Variants in STK25 observed in about 807,000 individuals in gnomAD.
STK25 encodes serine/threonine kinase 25.
STK25 carries 29 observed loss-of-function variants against 53.8 expected under a neutral mutation model. The ratio of observed to expected loss-of-function variants is 0.54; its 90% confidence interval spans 0.40 to 0.74. The LOEUF (loss-of-function observed/expected upper bound fraction) is 0.74, where lower values mean the gene tolerates loss of function less well. STK25 is among the 30% of genes least tolerant of loss of function. The probability of loss-of-function intolerance (pLI) is 0.00; values close to 1 mark genes in which losing one functional copy is unlikely to be tolerated. For missense variants in STK25, 420 were observed against 568.0 expected (o/e 0.74, Z 2.65); for synonymous variants, 247 against 238.3 (o/e 1.04, Z -0.33).
chr2:241,498,330 C>A lies in STK25; in HGVS notation c.937G>T (p.Gly313Trp). Residue 313 changes from glycine (G) to tryptophan (W), a missense_variant, in exon 9 of 12, where the codon GGG becomes TGG. By Grantham distance (184) the Gly-to-Trp change is radical (BLOSUM62 -2). Coordinates refer to ENST00000316586, the MANE Select transcript of STK25 (RefSeq NM_001271977.2). ...DSDIDGEAEDGEQGPIWTFPP... is the reference protein window; with the variant it reads ...DSDIDGEAEDWEQGPIWTFPP... ...AACGTCCAGATGGGGCCCTGCTCCC[C>A]GTCCTCCGCCTCGCCATCACTGAAG... 1 of 1,598,474 alleles carries A rather than the reference C, an allele frequency of 6.3e-7. No individual in the cohort carries two copies. Among genetic ancestry groups the A allele is most frequent in the Non-Finnish European group, 8.5e-7 (1 of 1,169,616 alleles).
In STK25 at chr2:241,496,987, C is replaced by G. The variant is rs1406698973; in HGVS notation, c.1105-453G>C. On this transcript the variant is annotated intron_variant, in intron 10 of 11. Transcript: ENST00000316586. This position sits in a 1 kb window ranked among gnomAD's most constrained non-coding sequence, Gnocchi z 5.8. ...GTCACCCACCCTCGGGGGGCTGTGG[C>G]TGGATCAGCAGGCTGCCCAGGACCT... is the stretch of plus-strand genomic sequence containing the variant. Among the ~76,000 whole-genome samples the G allele has an allele frequency of 6.6e-6, 1 of 152,266 alleles. No homozygotes were observed. Among genetic ancestry groups the G allele is most frequent in the Admixed American group, 6.5e-5 (1 of 15,286 alleles).
chr2:241,493,301 C>A lies in STK25; in HGVS notation c.*2361G>T. The A allele has an allele frequency of 6.2e-7, 1 of 1,613,804 alleles. No homozygotes were observed. The highest frequency in any genetic ancestry group is 1.1e-5 in the South Asian group (1 of 91,070). The stretch of plus-strand genomic sequence containing the variant: ...CCTATGCTGTCTTGCAGGATGACTA[C>A]CCACTGGCCAGCCTCCCGCTGCTGG... On this transcript the variant is annotated 3_prime_UTR_variant, in exon 12 of 12. Transcript: ENST00000316586.
rs763696778 is a variant in STK25 at position 241,498,788 on chromosome 2, C to G, written c.772-4G>C. The G allele has an allele frequency of 6.6e-5, 107 of 1,613,438 alleles. No homozygotes were observed. Among genetic ancestry groups the G allele is most frequent in the Non-Finnish European group, 8.7e-5 (103 of 1,179,686 alleles). ...GGAGCTCCTTGGCCGTGGGCCGCTG[C>G]AGGGGGTCAGGGGAACACTAGTCAC... On this transcript the variant is annotated splice_region_variant and splice_polypyrimidine_tract_variant and intron_variant, in intron 7 of 11. Transcript: ENST00000316586.
Position 241,494,270 on chromosome 2 carries a change from G to A in STK25, c.*1392C>T, listed in dbSNP as rs2065043330. On this transcript the variant is annotated 3_prime_UTR_variant, in exon 12 of 12. Coordinates refer to ENST00000316586, the MANE Select transcript of STK25 (RefSeq NM_001271977.2). The surrounding 1 kb of genome is among the most constrained non-coding windows in gnomAD (Gnocchi z 4.9). ...CACCAGCAGTGTGGGTGGGCCTCAT[G>A]TAACATCTGGGAGGGGCTTCATCCC... The A allele has an allele frequency of 9.1e-6, 4 of 441,242 alleles. No homozygotes were observed. In the South Asian group the frequency reaches 3.8e-4, roughly 42 times the overall value. 27.3% of individuals were successfully genotyped at this position (441,242 alleles called of 1,614,324 possible).
upstream of STK25, chr2:241,508,802 C>T (rs2066014294): frequency 1.0e-6 from 1 of 967,214 alleles, no homozygotes; most frequent in Admixed American, 6.2e-5. Flanking sequence ...CGTCTCCCGG[C>T]AGGCCGCGCG....
In STK25 at chr2:241,496,030, G is replaced by A. The variant is rs887001388; in HGVS notation, c.1242-329C>T. On this transcript the variant is annotated intron_variant, in intron 11 of 11. Coordinates refer to ENST00000316586, the MANE Select transcript of STK25 (RefSeq NM_001271977.2). This position sits in a 1 kb window ranked among gnomAD's most constrained non-coding sequence, Gnocchi z 5.8. ...TGCCCTGTCTCTTTGCTAAGGACTCGAGTCAGCACAGGGGCAGCTCTGACG... is the reference window on the plus strand; with the variant it reads ...TGCCCTGTCTCTTTGCTAAGGACTCAAGTCAGCACAGGGGCAGCTCTGACG... 3.3e-5 allele frequency among the ~76,000 whole-genome samples: 5 copies of A among 152,194 alleles called. No individual in the cohort carries two copies. The highest frequency in any genetic ancestry group is 6.5e-5 in the Admixed American group (1 of 15,286).
At chr2:241,508,859 G>A (rs1478202215), upstream of STK25, among the ~76,000 whole-genome samples, 1 of 152,174 alleles carries the variant, frequency 6.6e-6, no homozygotes, top group Non-Finnish European at 1.5e-5. Context: ...CGCCCTCCCT[G>A]CCTCGCCCTC....
intron 2 of STK25, among the ~76,000 whole-genome samples, chr2:241,504,631 C>G (rs2065713101): frequency 6.6e-6 from 1 of 152,166 alleles, no homozygotes; most frequent in Admixed American, 6.5e-5. Flanking sequence ...AAAGTCAACC[C>G]AGAACATGCA....
Position 241,494,434 on chromosome 2 carries a change from G to A in STK25, c.*1228C>T, listed in dbSNP as rs537647956. ...CAGACAAGGCCTGAGCAGTGCTCTC[G>A]GCATCGGACCAAAGCCTGGGCACAC... On this transcript the variant is annotated 3_prime_UTR_variant, in exon 12 of 12. Transcript: ENST00000316586. This position sits in a 1 kb window ranked among gnomAD's most constrained non-coding sequence, Gnocchi z 4.9. The A allele has an allele frequency of 8.3e-5, 18 of 217,398 alleles. No homozygotes were observed. The highest frequency in any genetic ancestry group is 2.8e-4 in the East Asian group (3 of 10,882). 13.5% of individuals were successfully genotyped at this position (217,398 alleles called of 1,614,324 possible).
chr2:241,492,857 G>C lies in STK25; in HGVS notation c.*2805C>G. The C allele has an allele frequency of 1.2e-6, 1 of 853,620 alleles. No homozygotes were observed. Among genetic ancestry groups the C allele is most frequent in the Non-Finnish European group, 2.0e-6 (1 of 498,548 alleles). 52.9% of individuals were successfully genotyped at this position (853,620 alleles called of 1,614,324 possible). ...AGAAAGCATGCAGAGGCTTAGTCTT[G>C]GGGAGCAAACCCACTCCCACAAGGG... On this transcript the variant is annotated 3_prime_UTR_variant, in exon 12 of 12. Transcript: ENST00000316586.
intron 2 of STK25, among the ~76,000 whole-genome samples, chr2:241,502,314 A>C (rs1210182903): frequency 6.6e-6 from 1 of 152,218 alleles, no homozygotes; most frequent in African/African-American, 2.4e-5. Context: ...ACACGGCATG[A>C]AGGTTGCCTC....
intron 5 of STK25, chr2:241,499,647 G>A (rs1397948601): frequency 4.1e-5 from 25 of 604,512 alleles, no homozygotes; most frequent in Non-Finnish European, 1.4e-5. Context: ...TCCTGCATTT[G>A]GCTTTTACGA....
In STK25 at chr2:241,496,975, G is replaced by T. The variant is rs959234337; in HGVS notation, c.1105-441C>A. Among the ~76,000 whole-genome samples the T allele has an allele frequency of 6.6e-6, 1 of 152,218 alleles. No homozygotes were observed. The highest frequency in any genetic ancestry group is 1.5e-5 in the Non-Finnish European group (1 of 68,034). On this transcript the variant is annotated intron_variant, in intron 10 of 11. Transcript: ENST00000316586. The surrounding 1 kb of genome is among the most constrained non-coding windows in gnomAD (Gnocchi z 5.8). ...CTGTCACCGGGTGTCACCCACCCTC[G>T]GGGGGCTGTGGCTGGATCAGCAGGC...
rs371451400 is a variant in STK25 at position 241,500,301 on chromosome 2, A to G, written c.319-20T>C. The G allele has an allele frequency of 2.0e-4, 319 of 1,578,674 alleles. No homozygotes were observed. Among genetic ancestry groups the G allele is most frequent in the Non-Finnish European group, 2.6e-4 (299 of 1,148,372 alleles). ...TTTAAGCTGGAGAGGAAGGTGCGAC[A>G]GCAGGGCCTCAGCTCCTGTCCCAGG... On this transcript the variant is annotated intron_variant, in intron 4 of 11. Transcript: ENST00000316586.
rs2065092444 is a variant in STK25 at position 241,495,433 on chromosome 2, GGGA to G, written c.*226_*228del. The G allele has an allele frequency of 1.8e-6, 1 of 558,286 alleles. No individual in the cohort carries two copies. The highest frequency in any genetic ancestry group is 3.1e-5 in the Admixed American group (1 of 32,622). The allele number at this position is 558,286 out of a possible 1,614,324, so 34.6% of individuals were successfully genotyped here. On this transcript the variant is annotated 3_prime_UTR_variant, in exon 12 of 12. Transcript: ENST00000316586. The stretch of plus-strand genomic sequence containing the variant: ...TGAGCAATACTGCTGGGCCAGGAGA[GGGA>G]GGAGGGCAGTGGGCATAGAGAACAG...
rs763906714 is a variant in STK25, at chr2:241,501,719, A to G, written c.31-11T>C. On this transcript the variant is annotated splice_polypyrimidine_tract_variant and intron_variant, in intron 2 of 11. Coordinates refer to ENST00000316586, the MANE Select transcript of STK25 (RefSeq NM_001271977.2). This position sits in a 1 kb window ranked among gnomAD's most constrained non-coding sequence, Gnocchi z 5.3. ...GTCCACTCGAGAGTGCTGTGGGGCCAGGGCGGGGACAGAGGGCAGACAGCG... is the reference window on the plus strand; with the variant it reads ...GTCCACTCGAGAGTGCTGTGGGGCCGGGGCGGGGACAGAGGGCAGACAGCG... 6.8e-6 allele frequency: 11 copies of G among 1,607,572 alleles called. No individual in the cohort carries two copies. The East Asian group carries it at 2.2e-4, about 33-fold the overall frequency.
At chr2:241,504,062 CTTTTTG>C (rs2065672501) in intron 2 of STK25, 1 of 471,102 alleles carries the variant, frequency 2.1e-6, no homozygotes, top group African/African-American at 2.0e-5. Context: ...CTGCACATCC[CTTTTTG>C]AGTGCCAGAC....
In STK25 at chr2:241,496,616, G is replaced by A. The variant is rs2124945806; in HGVS notation, c.1105-82C>T. On this transcript the variant is annotated intron_variant, in intron 10 of 11. Coordinates refer to ENST00000316586, the MANE Select transcript of STK25 (RefSeq NM_001271977.2). This position sits in a 1 kb window ranked among gnomAD's most constrained non-coding sequence, Gnocchi z 5.8. Reference sequence around the variant, plus strand: ...TGCTCCTTTGCTCGGCCACAGTGATGCCGGAGGCCTTCAGGGCTCTCGCCT... The same window carrying A: ...TGCTCCTTTGCTCGGCCACAGTGATACCGGAGGCCTTCAGGGCTCTCGCCT... The A allele has an allele frequency of 6.6e-7, 1 of 1,506,908 alleles. No homozygotes were observed. The allele number at this position is 1,506,908 out of a possible 1,614,324, so 93.3% of individuals were successfully genotyped here.
chr2:241,498,415 C>T (rs1045717068), intron 8 of STK25, 66 bp from the exon 9 acceptor site: 1 of 1,433,636 alleles, frequency 7.0e-7, no homozygotes, highest in Admixed American at 2.1e-5. Flanking sequence ...GGCCTCAGGG[C>T]ACACCTCACG....
Sources: allele counts gnomAD v4.1 joint callset (sites outside exome capture counted in the v4.1 genomes callset), GRCh38; gene constraint gnomAD v4.1.1; non-coding constraint Gnocchi (gnomAD v3.1); transcripts MANE v1.5; gene names NCBI Gene and HGNC (gene_info 2026-07-23, HGNC 2026-07-21).